Variants in PCDHB16 observed in about 807,000 individuals in gnomAD.
PCDHB16 encodes protocadherin beta 16, also known as protocadherin beta-16.
For synonymous variants in PCDHB16, 444 were observed against 436.5 expected (o/e 1.02, Z -0.21); for missense variants, 1,026 against 989.9 (o/e 1.04, Z -0.49).
chr5:141,182,986 C>T lies in PCDHB16; in HGVS notation c.427C>T (p.Pro143Ser). The change falls in exon 1 of 1, where the codon CCG (proline) becomes TCG (serine). Residue 143 changes from proline (P) to serine (S), a missense_variant. Coordinates refer to ENST00000609684, the MANE Select transcript of PCDHB16 (RefSeq NM_020957.4). ...FTEKEMILKI[P>S]ENSPLGTEFP... is the part of the protein sequence containing the mutation. Reference sequence around the variant, plus strand: ...TGAAAAGGAAATGATTCTAAAAATACCGGAAAACAGTCCTCTAGGAACTGA... The same window carrying T: ...TGAAAAGGAAATGATTCTAAAAATATCGGAAAACAGTCCTCTAGGAACTGA... 6.2e-7 allele frequency: 1 copy of T among 1,614,174 alleles called. No homozygotes were observed. Among genetic ancestry groups the T allele is most frequent in the Non-Finnish European group, 8.5e-7 (1 of 1,180,026 alleles).
Position 141,184,935 on chromosome 5 carries a change from C to A in PCDHB16, c.*45C>A. 6.3e-7 allele frequency: 1 copy of A among 1,583,982 alleles called. No homozygotes were observed. Among genetic ancestry groups the A allele is most frequent in the East Asian group, 2.2e-5 (1 of 44,578 alleles). On this transcript the variant is annotated 3_prime_UTR_variant, in exon 1 of 1. Transcript: ENST00000609684. ...ATTAAAATTCCACCCTTCACAATAG[C>A]TTTGGATTTAATTATTGATAGGAAC...
In PCDHB16 at chr5:141,184,725, G is replaced by A. The variant is rs1753678429; in HGVS notation, c.2166G>A (p.Val722=). 1.9e-6 allele frequency: 3 copies of A among 1,613,924 alleles called. No homozygotes were observed. The highest frequency in any genetic ancestry group is 1.3e-5 in the African/African-American group (1 of 74,936). The change falls in exon 1 of 1, where the codon GTG becomes GTA. Residue 722 remains valine (V), a synonymous_variant. Coordinates refer to ENST00000609684, the MANE Select transcript of PCDHB16 (RefSeq NM_020957.4). ...GCAGGAGGAGCAGGGCGGCCTCGGT[G>A]GGCCGCTGCTCGATGCCTGAGGGCC... ...RLCRRSRAAS[V]GRCSMPEGPF...
In PCDHB16 at chr5:141,184,840, A is replaced by G; in HGVS notation, c.2281A>G (p.Thr761Ala). 6.2e-7 allele frequency: 1 copy of G among 1,614,176 alleles called. No individual in the cohort carries two copies. Among genetic ancestry groups the G allele is most frequent in the Non-Finnish European group, 8.5e-7 (1 of 1,180,030 alleles). The change falls in exon 1 of 1, where the codon ACA (threonine) becomes GCA (alanine). Residue 761 changes from threonine (T) to alanine (A), a missense_variant. Thr to Ala is a moderately conservative substitution (Grantham distance 58). Transcript: ENST00000609684. ...GGTGTGTCTGACAGGAGGCTCAGAA[A>G]CAAGTGAGTTCAAGTTCCTGAAGCC... ...YEVCLTGGSE[T>A]SEFKFLKPII...
At position 141,185,579 on chromosome 5, in the gene PCDHB16, C is replaced by A. The variant is rs1753708875; in HGVS notation, c.*689C>A. The A allele has an allele frequency of 7.8e-6, 3 of 383,544 alleles. No homozygotes were observed. The highest frequency in any genetic ancestry group is 7.2e-6 in the Non-Finnish European group (2 of 278,532). 23.8% of individuals were successfully genotyped at this position (383,544 alleles called of 1,614,324 possible). ...GTGCATGCCACCATGCCTGGCTAAT[C>A]TTTTGCAGCGATGGGATTTTGCCAA... On this transcript the variant is annotated 3_prime_UTR_variant, in exon 1 of 1. Transcript: ENST00000609684.
In PCDHB16 at chr5:141,184,481, T is replaced by A; in HGVS notation, c.1922T>A (p.Val641Glu). 1 of 1,608,634 alleles carries A rather than the reference T, an allele frequency of 6.2e-7. No individual in the cohort carries two copies. Among genetic ancestry groups the A allele is most frequent in the Non-Finnish European group, 8.5e-7 (1 of 1,179,580 alleles). The stretch of plus-strand genomic sequence containing the variant: ...CGCGACGCAGCCAAGCAGAGGCTGG[T>A]GGTGCTGGTCAAGGACAATGGCGAG... ...SERDAAKQRL[V>E]VLVKDNGEPP... The change falls in exon 1 of 1, where the codon GTG (valine) becomes GAG (glutamate). Residue 641 changes from valine to glutamate, a missense_variant. By Grantham distance (121) the Val-to-Glu change is moderately radical (BLOSUM62 -2). Transcript: ENST00000609684.
At position 141,184,543 on chromosome 5, in the gene PCDHB16, C is replaced by G; in HGVS notation, c.1984C>G (p.Leu662Val). The change falls in exon 1 of 1, where the codon CTG becomes GTG. Residue 662 changes from leucine to valine, a missense_variant. Coordinates refer to ENST00000609684, the MANE Select transcript of PCDHB16 (RefSeq NM_020957.4). Reference protein sequence around the residue: ...RSATATLHVLLVDGFSQPFLP... With the variant: ...RSATATLHVLVVDGFSQPFLP... ...GGCCACCGCCACGCTGCACGTGCTC[C>G]TGGTGGACGGCTTCTCCCAGCCCTT... 1 of 1,611,032 alleles carries G rather than the reference C, an allele frequency of 6.2e-7. No individual in the cohort carries two copies. Among genetic ancestry groups the G allele is most frequent in the Non-Finnish European group, 8.5e-7 (1 of 1,179,746 alleles).
rs1306232209 is a variant in PCDHB16 at position 141,184,483 on chromosome 5, G to T, written c.1924G>T (p.Val642Leu). The T allele has an allele frequency of 9.9e-6, 16 of 1,608,942 alleles. No individual in the cohort carries two copies. The highest frequency in any genetic ancestry group is 1.4e-5 in the Non-Finnish European group (16 of 1,179,636). ...CGACGCAGCCAAGCAGAGGCTGGTG[G>T]TGCTGGTCAAGGACAATGGCGAGCC... ...ERDAAKQRLV[V>L]LVKDNGEPPR... The change falls in exon 1 of 1, where the codon GTG becomes TTG. Residue 642 changes from valine to leucine, a missense_variant. By Grantham distance (32) the Val-to-Leu change is conservative. Transcript: ENST00000609684.
rs541236935 is a variant in PCDHB16, at chr5:141,184,485, G to A, written c.1926G>A (p.Val642=). 9.9e-5 allele frequency: 159 copies of A among 1,608,798 alleles called. No individual in the cohort carries two copies. Among genetic ancestry groups the A allele is most frequent in the Admixed American group, 6.7e-5 (4 of 59,972 alleles). Residue 642 remains valine (V), a synonymous_variant, in exon 1 of 1, where the codon GTG becomes GTA. Transcript: ENST00000609684. ...ERDAAKQRLV[V]LVKDNGEPPR... is the part of the protein sequence containing the mutation. Reference sequence around the variant, plus strand: ...ACGCAGCCAAGCAGAGGCTGGTGGTGCTGGTCAAGGACAATGGCGAGCCTC... The same window carrying A: ...ACGCAGCCAAGCAGAGGCTGGTGGTACTGGTCAAGGACAATGGCGAGCCTC...
rs781867191 is a variant in PCDHB16, at chr5:141,182,656, T to C, written c.97T>C (p.Tyr33His). 3.1e-5 allele frequency: 49 copies of C among 1,604,466 alleles called. No homozygotes were observed. Among genetic ancestry groups the C allele is most frequent in the Middle Eastern group, 1.7e-4 (1 of 5,992 alleles). The change falls in exon 1 of 1, where the codon TAT becomes CAT. Residue 33 changes from tyrosine (Y) to histidine (H), a missense_variant. Physicochemically the swap from Tyr to His is moderately conservative, Grantham distance 83. Coordinates refer to ENST00000609684, the MANE Select transcript of PCDHB16 (RefSeq NM_020957.4). ...TGGGGCGGGCGCCGAGTTGGGGTCC[T>C]ATTCCGTAGTGGAAGAAACGGAGAG... is the stretch of plus-strand genomic sequence containing the variant. ...LSGAGAELGS[Y>H]SVVEETERGS...
rs781822956 is a variant in PCDHB16 at position 141,184,716 on chromosome 5, G to A, written c.2157G>A (p.Ala719=). 2.5e-6 allele frequency: 4 copies of A among 1,613,946 alleles called. No individual in the cohort carries two copies. Among genetic ancestry groups the A allele is most frequent in the Middle Eastern group, 1.7e-4 (1 of 5,986 alleles). ...VAVRLCRRSR[A]ASVGRCSMPE... is the part of the protein sequence containing the mutation. Reference sequence around the variant, plus strand: ...TGCGGCTGTGCAGGAGGAGCAGGGCGGCCTCGGTGGGCCGCTGCTCGATGC... The same window carrying A: ...TGCGGCTGTGCAGGAGGAGCAGGGCAGCCTCGGTGGGCCGCTGCTCGATGC... Residue 719 remains alanine, a synonymous_variant, in exon 1 of 1, where the codon GCG becomes GCA. Coordinates refer to ENST00000609684, the MANE Select transcript of PCDHB16 (RefSeq NM_020957.4).
At position 141,185,975 on chromosome 5, in the gene PCDHB16, A is replaced by G. The variant is rs190491176; in HGVS notation, c.*1085A>G. On this transcript the variant is annotated 3_prime_UTR_variant, in exon 1 of 1. Coordinates refer to ENST00000609684, the MANE Select transcript of PCDHB16 (RefSeq NM_020957.4). ...ATTTATTCTTTCTATTACTGAATTA[A>G]AAAATCAGAGGTCCCTGTTATATTT... 1.7e-5 allele frequency: 16 copies of G among 963,106 alleles called. No individual in the cohort carries two copies. In the East Asian group the frequency reaches 1.6e-3, roughly 98 times the overall value. 59.7% of individuals were successfully genotyped at this position (963,106 alleles called of 1,614,324 possible). A position where few individuals can be genotyped will look rare whatever the true frequency, so the allele number is the denominator to read the frequency against.
chr5:141,183,683 C>A lies in PCDHB16; in HGVS notation c.1124C>A (p.Ser375Tyr), dbSNP rs1753629679. Residue 375 changes from serine to tyrosine, a missense_variant, in exon 1 of 1, where the codon TCC (serine) becomes TAC (tyrosine). Ser to Tyr is a moderately radical substitution (Grantham distance 144). Coordinates refer to ENST00000609684, the MANE Select transcript of PCDHB16 (RefSeq NM_020957.4). ...GTTTTCAGCGTTTCAGATCCTGACT[C>A]CGGAAACAATGGGAAGACGATTTCC... ...VAVFSVSDPD[S>Y]GNNGKTISSI... The A allele has an allele frequency of 6.2e-7, 1 of 1,614,174 alleles. No homozygotes were observed. Among genetic ancestry groups the A allele is most frequent in the Non-Finnish European group, 8.5e-7 (1 of 1,180,038 alleles).
Position 141,184,575 on chromosome 5 carries a change from G to T in PCDHB16, c.2016G>T (p.Pro672=), listed in dbSNP as rs781872725. Residue 672 remains proline, a synonymous_variant, in exon 1 of 1, where the codon CCG becomes CCT. Transcript: ENST00000609684. Reference sequence around the variant, plus strand: ...ACGGCTTCTCCCAGCCCTTCCTGCCGCTCCCAGAGGCGGCCCCCGGCCAGA... The same window carrying T: ...ACGGCTTCTCCCAGCCCTTCCTGCCTCTCCCAGAGGCGGCCCCCGGCCAGA... ...LVDGFSQPFL[P]LPEAAPGQTQ... 40 of 1,612,132 alleles carry T rather than the reference G, an allele frequency of 2.5e-5. No individual in the cohort carries two copies. The highest frequency in any genetic ancestry group is 1.6e-4 in the South Asian group (15 of 91,038).
At position 141,185,045 on chromosome 5, in the gene PCDHB16, C is replaced by G. The variant is rs1394377976; in HGVS notation, c.*155C>G. Reference sequence around the variant, plus strand: ...ACCACCACCAATAAGGTATTTTTCTCTGATTGTTAGTTCAAATTATATTGT... The same window carrying G: ...ACCACCACCAATAAGGTATTTTTCTGTGATTGTTAGTTCAAATTATATTGT... On this transcript the variant is annotated 3_prime_UTR_variant, in exon 1 of 1. Transcript: ENST00000609684. The G allele has an allele frequency of 4.2e-6, 6 of 1,445,568 alleles. No individual in the cohort carries two copies. The highest frequency in any genetic ancestry group is 2.9e-5 in the Admixed American group (1 of 33,910). 89.5% of individuals were successfully genotyped at this position (1,445,568 alleles called of 1,614,324 possible).
rs528589544 is a variant in PCDHB16, at chr5:141,185,034, G to A, written c.*144G>A. 2 of 1,449,262 alleles carry A rather than the reference G, an allele frequency of 1.4e-6. No homozygotes were observed. 89.8% of individuals were successfully genotyped at this position (1,449,262 alleles called of 1,614,324 possible). On this transcript the variant is annotated 3_prime_UTR_variant, in exon 1 of 1. Transcript: ENST00000609684. ...TGTTCATGCTCACCACCACCAATAA[G>A]GTATTTTTCTCTGATTGTTAGTTCA...
Position 141,185,811 on chromosome 5 carries a change from C to G in PCDHB16, c.*921C>G. On this transcript the variant is annotated 3_prime_UTR_variant, in exon 1 of 1. Coordinates refer to ENST00000609684, the MANE Select transcript of PCDHB16 (RefSeq NM_020957.4). ...TCTCCTTAAATAAAATAAAATATTCCTATTGTAAGTGATATGAGAAATCTT... is the reference window on the plus strand; with the variant it reads ...TCTCCTTAAATAAAATAAAATATTCGTATTGTAAGTGATATGAGAAATCTT... The G allele has an allele frequency of 2.0e-6, 2 of 980,164 alleles. No homozygotes were observed. Among genetic ancestry groups the G allele is most frequent in the Non-Finnish European group, 2.5e-6 (2 of 812,550 alleles). 60.7% of individuals were successfully genotyped at this position (980,164 alleles called of 1,614,324 possible). A position where few individuals can be genotyped will look rare whatever the true frequency, so the allele number is the denominator to read the frequency against.
rs1166991277 is a variant in PCDHB16 at position 141,185,850 on chromosome 5, C to G, written c.*960C>G. 5.0e-6 allele frequency: 5 copies of G among 992,610 alleles called. No individual in the cohort carries two copies. Among genetic ancestry groups the G allele is most frequent in the Non-Finnish European group, 6.1e-6 (5 of 823,108 alleles). The allele number at this position is 992,610 out of a possible 1,614,324, so 61.5% of individuals were successfully genotyped here. The stretch of plus-strand genomic sequence containing the variant: ...ATGAGAAATCTTTAACCAGCCTTAT[C>G]TAAAAATAAAAAGAGAAGCCATTGT... On this transcript the variant is annotated 3_prime_UTR_variant, in exon 1 of 1. Transcript: ENST00000609684.
rs1435399811 is a variant in PCDHB16, at chr5:141,185,109, A to T, written c.*219A>T. 1 of 1,384,276 alleles carries T rather than the reference A, an allele frequency of 7.2e-7. No individual in the cohort carries two copies. The allele number at this position is 1,384,276 out of a possible 1,614,324, so 85.7% of individuals were successfully genotyped here. On this transcript the variant is annotated 3_prime_UTR_variant, in exon 1 of 1. Transcript: ENST00000609684. ...CCTTTTCCTCATATTTACCCCGAAG[A>T]GGTGTTGCATATAGAATCCCAATTA...
At position 141,182,862 on chromosome 5, in the gene PCDHB16, T is replaced by G; in HGVS notation, c.303T>G (p.Pro101=). Residue 101 remains proline (P), a synonymous_variant, in exon 1 of 1, where the codon CCT becomes CCG. Transcript: ENST00000609684. ...DREELCGPTE[P]CILHFQVLME... ...AGGAGCTATGCGGTCCCACTGAGCC[T>G]TGCATACTACATTTCCAAGTGTTAA... 3 of 1,614,140 alleles carry G rather than the reference T, an allele frequency of 1.9e-6. No homozygotes were observed. Among genetic ancestry groups the G allele is most frequent in the Non-Finnish European group, 2.5e-6 (3 of 1,180,034 alleles).
Sources: gnomAD v4.1 joint callset for allele counts on GRCh38, gnomAD v4.1.1 for gene constraint, MANE v1.5 for transcripts, NCBI Gene and HGNC (gene_info 2026-07-23, HGNC 2026-07-21) for gene names.